Variants in SLC26A7 observed in about 807,000 individuals in gnomAD.
SLC26A7 encodes solute carrier family 26 member 7, also known as anion exchange transporter.
A neutral mutation model predicts 82.5 loss-of-function variants in SLC26A7; 59 were observed. The ratio of observed to expected loss-of-function variants is 0.72; its 90% CI spans 0.58 to 0.89. SLC26A7 has a LOEUF of 0.89. Among genes scored for constraint, SLC26A7 ranks in the 40% least tolerant of loss-of-function variants. The pLI is 0.00. For synonymous variants in SLC26A7, 271 were observed against 274.3 expected (o/e 0.99, Z 0.12); for missense variants, 820 against 793.0 (o/e 1.03, Z -0.41).
chr8:91,286,197 G>A (rs78271996), intron 2 of SLC26A7, among the ~76,000 whole-genome samples: 1,804 of 152,232 alleles, frequency 0.012, 30 homozygotes, highest in African/African-American at 0.041. Context: ...TCAGCACAGC[G>A]TGGGTTGGAG....
At chr8:91,293,898 T>C (rs539958973) in intron 3 of SLC26A7, among the ~76,000 whole-genome samples, 1 of 152,334 alleles carries the variant, frequency 6.6e-6, no homozygotes, top group Admixed American at 6.5e-5. Flanking sequence ...AAATATGTCC[T>C]ATCAAGACCA....
intron 4 of SLC26A7, among the ~76,000 whole-genome samples, chr8:91,315,570 A>C (rs540434811): frequency 6.6e-6 from 1 of 152,188 alleles, no homozygotes; most frequent in Non-Finnish European, 1.5e-5. Flanking sequence ...TGTTAGTAGC[A>C]GAAGCTGCTG....
chr8:91,269,681 A>C (rs927493475), intron 2 of SLC26A7, among the ~76,000 whole-genome samples: 1 of 151,954 alleles, frequency 6.6e-6, no homozygotes, highest in East Asian at 1.9e-4. Context: ...GAATTGAGAA[A>C]TTTTCAGCCA....
In SLC26A7 at chr8:91,334,054, G is replaced by A. The variant is rs577837297; in HGVS notation, c.643-241G>A. On this transcript the variant is annotated intron_variant, in intron 5 of 18. Coordinates refer to ENST00000276609, the MANE Select transcript of SLC26A7 (RefSeq NM_052832.4). ...GCCAGAAGAGTCATTCTCTTTAGCAGTGTTCTTATGTAGGAAGGTGCAAAA... is the reference window on the plus strand; with the variant it reads ...GCCAGAAGAGTCATTCTCTTTAGCAATGTTCTTATGTAGGAAGGTGCAAAA... Among the ~76,000 whole-genome samples, 37 of 152,270 alleles carry A rather than the reference G, an allele frequency of 2.4e-4. 1 individual carries two copies. In the South Asian group the frequency reaches 7.0e-3, roughly 29 times the overall value.
At chr8:91,279,510 C>T (rs1408048687) in intron 2 of SLC26A7, among the ~76,000 whole-genome samples, 1 of 152,064 alleles carries the variant, frequency 6.6e-6, no homozygotes, top group Non-Finnish European at 1.5e-5. Context: ...GGCTATATCA[C>T]ATTGTGGTTT....
At chr8:91,244,504 T>C (rs1810517997), upstream of SLC26A7, among the ~76,000 whole-genome samples, 3 of 151,674 alleles carry the variant, frequency 2.0e-5, no homozygotes, top group African/African-American at 4.8e-5. Flanking sequence ...TTCTTGCTGC[T>C]TTTTTGTGTT....
At chr8:91,254,735 T>C (rs569651988) in intron 2 of SLC26A7, among the ~76,000 whole-genome samples, 1 of 152,284 alleles carries the variant, frequency 6.6e-6, no homozygotes, top group African/African-American at 2.4e-5. Flanking sequence ...CAGGTCCTTC[T>C]TTTACTAAGT....
intron 14 of SLC26A7, 112 bp downstream of exon 14, chr8:91,366,829 C>A: frequency 8.3e-7 from 1 of 1,200,476 alleles, no homozygotes; most frequent in Non-Finnish European, 1.2e-6. Context: ...CGAGACCTCT[C>A]CCTTCAGCAA....
In SLC26A7 at chr8:91,253,375, A is replaced by G. The variant is rs147206597; in HGVS notation, c.193+3531A>G. ...GGTTCTTTTGTTTCTATCCCCTCTC[A>G]TTTTAACTAAGTAGTCTTGTTTCAT... On this transcript the variant is annotated intron_variant, in intron 2 of 18. Coordinates refer to ENST00000276609, the MANE Select transcript of SLC26A7 (RefSeq NM_052832.4). 3.2e-3 allele frequency among the ~76,000 whole-genome samples: 494 copies of G among 152,140 alleles called. 2 individuals carry two copies. Among genetic ancestry groups the G allele is most frequent in the Non-Finnish European group, 5.8e-3 (392 of 67,968 alleles).
intron 12 of SLC26A7, among the ~76,000 whole-genome samples, chr8:91,362,860 C>T (rs926201030): frequency 6.6e-6 from 1 of 151,962 alleles, no homozygotes; most frequent in African/African-American, 2.4e-5. Context: ...TTTCAGAAGT[C>T]AGATTAATCT....
chr8:91,344,022 G>A, intron 9 of SLC26A7: 1 of 977,662 alleles, frequency 1.0e-6, no homozygotes, highest in South Asian at 4.7e-5. Flanking sequence ...TGATGATGAT[G>A]ATGACGATGT....
chr8:91,355,848 G>A (rs1245516320), intron 11 of SLC26A7, among the ~76,000 whole-genome samples: 3 of 151,974 alleles, frequency 2.0e-5, no homozygotes, highest in East Asian at 1.9e-4. Context: ...TTTAGCATTA[G>A]GTATGTCTCC....
At chr8:91,318,406 A>G in intron 5 of SLC26A7, 26 bp downstream of exon 5, 1 of 1,552,724 alleles carries the variant, frequency 6.4e-7, no homozygotes, top group Non-Finnish European at 8.8e-7. Context: ...GCTTTCATAC[A>G]TATCTTTTGA....
chr8:91,393,533 G>T (rs1279154375), intron 16 of SLC26A7, among the ~76,000 whole-genome samples: 1 of 152,038 alleles, frequency 6.6e-6, no homozygotes, highest in African/African-American at 2.4e-5. Flanking sequence ...GGCAGCAGAG[G>T]CACTGTTTTT....
At chr8:91,287,058 G>A (rs1387201610) in intron 2 of SLC26A7, among the ~76,000 whole-genome samples, 1 of 152,026 alleles carries the variant, frequency 6.6e-6, no homozygotes, top group Non-Finnish European at 1.5e-5. Context: ...TTCCATTGAG[G>A]GCGAATGATA....
intron 3 of SLC26A7, among the ~76,000 whole-genome samples, chr8:91,292,386 A>G (rs1811897657): frequency 6.6e-6 from 1 of 152,074 alleles, no homozygotes; most frequent in Non-Finnish European, 1.5e-5. Context: ...TTATGTTTTG[A>G]CCTTCCTTTA....
intron 4 of SLC26A7, among the ~76,000 whole-genome samples, chr8:91,301,037 G>A (rs1442599257): frequency 6.6e-6 from 1 of 152,148 alleles, no homozygotes; most frequent in Non-Finnish European, 1.5e-5. Context: ...CATTTATTAT[G>A]TTAATAGATT....
At chr8:91,366,954 A>G (rs1814212039) in intron 14 of SLC26A7, among the ~76,000 whole-genome samples, 1 of 152,204 alleles carries the variant, frequency 6.6e-6, no homozygotes, top group African/African-American at 2.4e-5. Flanking sequence ...ACAGCACTAA[A>G]AAGAATAAAT....
chr8:91,326,045 T>C (rs914034939), intron 5 of SLC26A7, among the ~76,000 whole-genome samples: 10 of 152,222 alleles, frequency 6.6e-5, no homozygotes, highest in Non-Finnish European at 1.0e-4. Flanking sequence ...ATATCAACTA[T>C]GCCTGATTGA....
Sources: gnomAD v4.1 joint callset for allele counts (sites outside exome capture counted in the v4.1 genomes callset) on GRCh38, gnomAD v4.1.1 for gene constraint, MANE v1.5 for transcripts, NCBI Gene and HGNC (gene_info 2026-07-23, HGNC 2026-07-21) for gene names.